The following CTNNA3 variants were observed in gnomAD, a reference collection of about 807,000 sequenced individuals.
The protein encoded by CTNNA3 is catenin alpha 3.
In CTNNA3, 76 loss-of-function variants were observed where a neutral mutation model predicts 95.7. The ratio of observed to expected loss-of-function variants is 0.79; its 90% CI spans 0.66 to 0.96. The LOEUF is 0.96. CTNNA3 is among the 40% of genes least tolerant of loss of function. The probability of loss-of-function intolerance (pLI) is 0.00; values close to 1 mark genes in which losing one functional copy is unlikely to be tolerated. For missense variants in CTNNA3, 1,191 were observed against 1,089.8 expected (o/e 1.09, Z -1.31); for synonymous variants, 431 against 374.4 (o/e 1.15, Z -1.74).
chr10:66,033,708 A>G (rs2079497617), intron 15 of CTNNA3, among the ~76,000 whole-genome samples: 1 of 152,046 alleles, frequency 6.6e-6, no homozygotes, highest in Non-Finnish European at 1.5e-5. Context: ...CTTGGAATGG[A>G]AGAACTCTGG....
intron 1 of CTNNA3, among the ~76,000 whole-genome samples, chr10:67,649,651 T>C (rs1839821589): frequency 6.6e-6 from 1 of 152,242 alleles, no homozygotes; most frequent in Non-Finnish European, 1.5e-5. Flanking sequence ...CTCTTTTGTA[T>C]GTCCTGGTCA....
At chr10:66,201,793 T>TTC (rs1326601258) in intron 13 of CTNNA3, among the ~76,000 whole-genome samples, 2 of 143,524 alleles carry the variant, frequency 1.4e-5, no homozygotes, top group East Asian at 2.0e-4. Flanking sequence ...CTTTTTTTTT[T>TTC]TTTTTTTTTT....
chr10:67,699,814 G>A (rs958492390), upstream of CTNNA3, among the ~76,000 whole-genome samples: 4 of 152,228 alleles, frequency 2.6e-5, no homozygotes, highest in Non-Finnish European at 5.9e-5. Context: ...CCGAAGTCGG[G>A]CAAGCCACTG....
At position 66,431,639 on chromosome 10, in the gene CTNNA3, C is replaced by T. The variant is rs145872444; in HGVS notation, c.1532-52287G>A. Among the ~76,000 whole-genome samples the T allele has an allele frequency of 8.2e-3, 1,243 of 151,328 alleles. 15 individuals are homozygous for T. Among genetic ancestry groups the T allele is most frequent in the African/African-American group, 0.028 (1,173 of 41,296 alleles). On this transcript the variant is annotated intron_variant, in intron 11 of 17. Coordinates refer to ENST00000433211, the MANE Select transcript of CTNNA3 (RefSeq NM_013266.4). ...GAAACCATCATTCTCAGCAAACTGT[C>T]GCAAGGACAAAAAAACCAAACACCG...
intron 7 of CTNNA3, among the ~76,000 whole-genome samples, chr10:66,997,506 T>C (rs781476301): frequency 2.0e-5 from 3 of 152,198 alleles, no homozygotes; most frequent in Non-Finnish European, 2.9e-5. Flanking sequence ...TTCTTGTCTG[T>C]TCATAAGCTC....
intron 12 of CTNNA3, among the ~76,000 whole-genome samples, chr10:66,325,295 C>T (rs1322308452): frequency 6.6e-6 from 1 of 151,998 alleles, no homozygotes; most frequent in South Asian, 2.1e-4. Context: ...GTGCTGGGTA[C>T]CTTCTATGTG....
intron 5 of CTNNA3, among the ~76,000 whole-genome samples, chr10:67,227,934 G>T (rs1865001671): frequency 2.0e-5 from 3 of 152,142 alleles, no homozygotes; most frequent in Admixed American, 2.0e-4. Flanking sequence ...TAAATAACGT[G>T]CTCCTGAATT....
chr10:67,727,125 TATATA>T lies in CTNNA3; in HGVS notation c.-2+36304_-2+36308del, dbSNP rs1267136370. Among the ~76,000 whole-genome samples the T allele has an allele frequency of 3.7e-4, 44 of 118,338 alleles. 1 individual carries two copies. The highest frequency in any genetic ancestry group is 6.7e-4 in the Non-Finnish European group (41 of 61,542). The allele number at this position is 118,338 out of a possible 152,430, so 77.6% of individuals were successfully genotyped here. A position where few individuals can be genotyped will look rare whatever the true frequency, so the allele number is the denominator to read the frequency against. Reference sequence around the variant, plus strand: ...ATATATGATACATATATGATATAATTATATAATATATGATACATATATTATATAAT... The same window carrying T: ...ATATATGATACATATATGATATAATTATATATGATACATATATTATATAAT... On this transcript the variant is annotated intron_variant, in intron 1 of 17. Transcript: ENST00000684154.
chr10:66,097,885 G>C lies in CTNNA3; in HGVS notation c.1977+5272C>G, dbSNP rs1384660411. On this transcript the variant is annotated intron_variant, in intron 14 of 17. Transcript: ENST00000433211. ...GAAACATCACACAGGCCAATGTGAT[G>C]AGACAATGACTAAGGAGCAACTGCC... 2.0e-5 allele frequency: 3 copies of C among 152,116 alleles called. No individual in the cohort carries two copies. In the East Asian group the frequency reaches 5.8e-4, roughly 29 times the overall value. The allele number at this position is 152,116 out of a possible 1,614,324, so 9.4% of individuals were successfully genotyped here.
rs544131807 is a variant in CTNNA3 at position 65,995,894 on chromosome 10, G to A, written c.2160-7097C>T. ...GACAATGTGCCCAGGCATGGGTGAT[G>A]TTGCCAGGCCAGACAAGCCTGTCAT... On this transcript the variant is annotated intron_variant, in intron 15 of 17. Coordinates refer to ENST00000433211, the MANE Select transcript of CTNNA3 (RefSeq NM_013266.4). Among the ~76,000 whole-genome samples the A allele has an allele frequency of 2.6e-5, 4 of 152,292 alleles. No individual in the cohort carries two copies. The East Asian group carries it at 7.7e-4, about 29-fold the overall frequency.
At chr10:66,565,798 A>C (rs1434371372) in intron 10 of CTNNA3, among the ~76,000 whole-genome samples, 2 of 152,192 alleles carry the variant, frequency 1.3e-5, no homozygotes, top group Non-Finnish European at 2.9e-5. Flanking sequence ...TCTCCTTGTG[A>C]ATAAACATTT....
At chr10:66,755,727 G>T (rs920217535) in intron 9 of CTNNA3, among the ~76,000 whole-genome samples, 4 of 152,102 alleles carry the variant, frequency 2.6e-5, no homozygotes, top group Non-Finnish European at 2.9e-5. Flanking sequence ...TCATTCCTCA[G>T]TCTAAACGTT....
intron 10 of CTNNA3, among the ~76,000 whole-genome samples, chr10:66,557,543 G>T (rs1475661769): frequency 1.3e-5 from 2 of 152,110 alleles, no homozygotes; most frequent in African/African-American, 4.8e-5. Flanking sequence ...AGAATAATGA[G>T]TGAATTTTAC....
chr10:67,175,301 T>A (rs1029232847), intron 7 of CTNNA3, among the ~76,000 whole-genome samples: 1 of 152,098 alleles, frequency 6.6e-6, no homozygotes, highest in Admixed American at 6.6e-5. Context: ...AAAAATAAAT[T>A]AATTAATTAA....
intron 13 of CTNNA3, among the ~76,000 whole-genome samples, chr10:66,217,750 A>G (rs2088649116): frequency 6.6e-6 from 1 of 152,152 alleles, no homozygotes; most frequent in Non-Finnish European, 1.5e-5. Context: ...ATGTTTAACC[A>G]CTGTATTTTA....
rs554720389 is a variant in CTNNA3, at chr10:67,639,126, A to G, written c.99+8289T>C. On this transcript the variant is annotated intron_variant, in intron 2 of 17. Coordinates refer to ENST00000433211, the MANE Select transcript of CTNNA3 (RefSeq NM_013266.4). ...TAGACTGCTAGCAAGACTAATAAAG[A>G]AGAAAAAGAAGAATCAAATAGACCC... 3.9e-5 allele frequency among the ~76,000 whole-genome samples: 6 copies of G among 152,280 alleles called. No homozygotes were observed. The East Asian group carries it at 9.6e-4, about 24-fold the overall frequency.
At chr10:66,280,024 G>A (rs896739858) in intron 13 of CTNNA3, among the ~76,000 whole-genome samples, 1 of 151,912 alleles carries the variant, frequency 6.6e-6, no homozygotes, top group African/African-American at 2.4e-5. Context: ...ATTTCTTGCA[G>A]AACACTCTGT....
intron 12 of CTNNA3, among the ~76,000 whole-genome samples, chr10:66,287,898 T>G (rs1362066451): frequency 6.6e-6 from 1 of 151,954 alleles, no homozygotes; most frequent in Non-Finnish European, 1.5e-5. Context: ...ATAGTGGAGT[T>G]GGAAAAGCAG....
chr10:66,752,414 T>A (rs1839183890), intron 9 of CTNNA3, among the ~76,000 whole-genome samples: 1 of 152,176 alleles, frequency 6.6e-6, no homozygotes, highest in Non-Finnish European at 1.5e-5. Context: ...ACTTTGACCC[T>A]TTATTTCACA....
Sources: allele counts gnomAD v4.1 joint callset (sites outside exome capture counted in the v4.1 genomes callset), GRCh38; gene constraint gnomAD v4.1.1; transcripts MANE v1.5; gene names NCBI Gene and HGNC (gene_info 2026-07-23, HGNC 2026-07-21).